MICAL2: variants seen among roughly 807,000 people sequenced by gnomAD.
The protein encoded by MICAL2 is microtubule associated monooxygenase, calponin and LIM domain containing 2, also known as [F-actin]-monooxygenase MICAL2.
MICAL2 carries 77 observed loss-of-function variants against 127.3 expected under a neutral mutation model. The observed-to-expected ratio is 0.60, with a 90% CI of 0.50 to 0.73. The LOEUF is 0.73. Ranked by LOEUF, MICAL2 falls within the 30% of genes least tolerant of loss-of-function variation. The pLI is 0.00. For synonymous variants in MICAL2, 570 were observed against 551.1 expected (o/e 1.03, Z -0.48); for missense variants, 1,351 against 1,434.4 (o/e 0.94, Z 0.94).
intron 12 of MICAL2, 62 bp downstream of exon 12, chr11:12,223,563 G>A (rs767911556): frequency 8.9e-5 from 129 of 1,448,076 alleles, no homozygotes; most frequent in Non-Finnish European, 1.2e-4. Context: ...GAGGAGGACT[G>A]CTCAGTGACC....
At position 12,210,986 on chromosome 11, in the gene MICAL2, C is replaced by T. The variant is rs190693165; in HGVS notation, c.691+1388C>T. ...CAAGTGGCCCCTGGGAACAAAATCA[C>T]CTCCAGCTAAGAAATGCTAGATGAG... On this transcript the variant is annotated intron_variant, in intron 6 of 27. Coordinates refer to ENST00000683283, the MANE Select transcript of MICAL2 (RefSeq NM_001282663.2). Among the ~76,000 whole-genome samples, 183 of 152,354 alleles carry T rather than the reference C, an allele frequency of 1.2e-3. 1 individual carries two copies. Among genetic ancestry groups the T allele is most frequent in the African/African-American group, 4.3e-3 (178 of 41,584 alleles).
At chr11:12,134,145 T>C (rs879294831) in intron 1 of MICAL2, among the ~76,000 whole-genome samples, 8 of 152,186 alleles carry the variant, frequency 5.3e-5, no homozygotes, top group Non-Finnish European at 1.0e-4. Flanking sequence ...CAGTGTTTCA[T>C]TGAAGGTTAG....
intron 29 of MICAL2, chr11:12,319,648 C>A: frequency 7.3e-7 from 1 of 1,369,624 alleles, no homozygotes; most frequent in Non-Finnish European, 1.0e-6. Context: ...GTTCATAAAG[C>A]AGGAAATGAA....
At chr11:12,283,463 G>A (rs578097903) in intron 2 of MICAL2, among the ~76,000 whole-genome samples, 6 of 151,788 alleles carry the variant, frequency 4.0e-5, no homozygotes, top group African/African-American at 7.3e-5. Context: ...TAAACAAAAC[G>A]CAGTATATCC....
downstream of MICAL2, chr11:12,358,725 T>G (rs1939166816): frequency 3.3e-6 from 1 of 300,718 alleles, no homozygotes; most frequent in Non-Finnish European, 6.1e-6. Context: ...GCTCTCAGAC[T>G]GGAGGTGTTG....
chr11:12,350,750 A>G (rs893927222), intron 33 of MICAL2, among the ~76,000 whole-genome samples: 18 of 152,200 alleles, frequency 1.2e-4, no homozygotes, highest in African/African-American at 4.3e-4. Flanking sequence ...GCTAAGTATG[A>G]CAGCCCAGAT....
At chr11:12,152,297 C>CAAAAAAAAAAAAAAAAAAAAAAA in intron 2 of MICAL2, among the ~76,000 whole-genome samples, 1 of 38,396 alleles carries the variant, frequency 2.6e-5, no homozygotes, top group Non-Finnish European at 4.4e-5. Context: ...GACTCTGTCT[C>CAAAAAAAAAAAAAAAAAAAAAAA]AAAAAAAAAA....
At chr11:12,276,433 G>C (rs1365053297) in intron 1 of MICAL2, 1 of 285,496 alleles carries the variant, frequency 3.5e-6, no homozygotes, top group African/African-American at 2.2e-5. Flanking sequence ...GGAAGAGAAA[G>C]GGCCTGGCCC....
chr11:12,249,702 A>G (rs893260448), intron 22 of MICAL2, among the ~76,000 whole-genome samples: 40 of 152,102 alleles, frequency 2.6e-4, no homozygotes, highest in African/African-American at 9.4e-4. Context: ...CTGCTGCCTT[A>G]CCCACGTGGG....
rs1394099404 is a variant in MICAL2 at position 12,222,220 on chromosome 11, CG to C, written c.1323-391del. 1.3e-5 allele frequency among the ~76,000 whole-genome samples: 2 copies of C among 152,110 alleles called. 1 individual carries two copies. Among genetic ancestry groups the C allele is most frequent in the East Asian group, 3.9e-4 (2 of 5,174 alleles). On this transcript the variant is annotated intron_variant, in intron 10 of 27. Coordinates refer to ENST00000683283, the MANE Select transcript of MICAL2 (RefSeq NM_001282663.2). ...CCACGTGGCTGTGACAGCTGGTGGA[CG>C]GGGGGAGGTCAGGGCTGGCGGGCGG...
chr11:12,294,519 C>A (rs773862278), downstream of MICAL2: 3 of 1,614,096 alleles, frequency 1.9e-6, no homozygotes, highest in Non-Finnish European at 2.5e-6. Flanking sequence ...AGGTCCCCAC[C>A]CTGCAGCAAG....
At chr11:12,211,070 G>T (rs1429562585) in intron 6 of MICAL2, among the ~76,000 whole-genome samples, 1 of 152,204 alleles carries the variant, frequency 6.6e-6, no homozygotes, top group African/African-American at 2.4e-5. Flanking sequence ...CTTAAAAGAG[G>T]ACTATTGAAT....
At chr11:12,281,332 C>A (rs951719407) in intron 2 of MICAL2, among the ~76,000 whole-genome samples, 1 of 152,188 alleles carries the variant, frequency 6.6e-6, no homozygotes, top group Non-Finnish European at 1.5e-5. Flanking sequence ...GAAGACATCA[C>A]GGGGACTGGC....
At chr11:12,257,865 G>A (rs528773985) in intron 24 of MICAL2, among the ~76,000 whole-genome samples, 3 of 152,156 alleles carry the variant, frequency 2.0e-5, no homozygotes, top group Non-Finnish European at 4.4e-5. Flanking sequence ...AGTGGTCCTG[G>A]GCAGTGGCAG....
chr11:12,269,975 A>G (rs1863656706), intron 24 of MICAL2, among the ~76,000 whole-genome samples: 1 of 152,218 alleles, frequency 6.6e-6, no homozygotes, highest in Non-Finnish European at 1.5e-5. Flanking sequence ...TCCTGTTCCC[A>G]TGACTGCACC....
intron 1 of MICAL2, among the ~76,000 whole-genome samples, chr11:12,123,439 T>C (rs1850670377): frequency 6.6e-6 from 1 of 152,218 alleles, no homozygotes; most frequent in Non-Finnish European, 1.5e-5. Flanking sequence ...ATGTCAGTTC[T>C]GGTGTTTTCT....
intron 25 of MICAL2, 147 bp downstream of exon 25, chr11:12,258,703 G>A (rs981067536): frequency 4.2e-6 from 3 of 713,378 alleles, no homozygotes; most frequent in African/African-American, 3.6e-5. Flanking sequence ...TTCCTGGTGT[G>A]GAGGGTTCTT....
At chr11:12,143,041 G>T (rs1323037129) in intron 2 of MICAL2, among the ~76,000 whole-genome samples, 1 of 152,216 alleles carries the variant, frequency 6.6e-6, no homozygotes, top group Admixed American at 6.5e-5. Context: ...GGCCTAGCCT[G>T]GTGGTGGGAC....
At chr11:12,182,021 C>G (rs1210860773) in intron 3 of MICAL2, among the ~76,000 whole-genome samples, 1 of 152,186 alleles carries the variant, frequency 6.6e-6, no homozygotes, top group Non-Finnish European at 1.5e-5. Context: ...TTCCTTCTTG[C>G]AGTGGTTGCA....
Sources: gnomAD v4.1 joint callset for allele counts (sites outside exome capture counted in the v4.1 genomes callset) on GRCh38, gnomAD v4.1.1 for gene constraint, MANE v1.5 for transcripts, NCBI Gene and HGNC (gene_info 2026-07-23, HGNC 2026-07-21) for gene names.